Variants in KCND2 observed in about 807,000 individuals in gnomAD.
KCND2 encodes the protein A-type voltage-gated potassium channel KCND2.
In KCND2, 16 loss-of-function variants were observed where a neutral mutation model predicts 54.4. The observed-to-expected ratio is 0.29, with a 90% confidence interval of 0.20 to 0.45. KCND2 has a LOEUF of 0.45. Among genes scored for constraint, KCND2 ranks in the 20% least tolerant of loss-of-function variants. The probability of loss-of-function intolerance (pLI) is 1.00; values close to 1 mark genes in which losing one functional copy is unlikely to be tolerated. For missense variants in KCND2, 486 were observed against 824.2 expected (o/e 0.59, Z 5.02); for synonymous variants, 317 against 310.7 (o/e 1.02, Z -0.21).
At chr7:120,284,925 A>G (rs1401830812) in intron 1 of KCND2, among the ~76,000 whole-genome samples, 1 of 152,140 alleles carries the variant, frequency 6.6e-6, no homozygotes, top group Non-Finnish European at 1.5e-5. Context: ...AAGTTTCCCC[A>G]TGTTATAATT....
At chr7:120,352,369 TATACATACATATATATGA>T (rs1460684108) in intron 1 of KCND2, among the ~76,000 whole-genome samples, 5 of 151,866 alleles carry the variant, frequency 3.3e-5, no homozygotes, top group Admixed American at 1.3e-4. Flanking sequence ...TATGTATGTA[TATACATACATATATATGA>T]ATACATACAT....
chr7:120,482,499 AAATTTCATGTGTTGGAAACTT>A (rs767320814), intron 1 of KCND2, among the ~76,000 whole-genome samples: 78 of 152,334 alleles, frequency 5.1e-4, no homozygotes, highest in Non-Finnish European at 9.6e-4. Flanking sequence ...TATGTCCTCC[AAATTTCATGTGTTGGAAACTT>A]ATTCTCTCAT....
At chr7:120,642,271 CG>C (rs1185322270) in intron 1 of KCND2, among the ~76,000 whole-genome samples, 1 of 151,738 alleles carries the variant, frequency 6.6e-6, no homozygotes, top group Non-Finnish European at 1.5e-5. Flanking sequence ...GTTTTATGGC[CG>C]GGCCCGGTGG....
rs978702955 is a variant in KCND2, at chr7:120,273,323, G to A, written c.-1310G>A. Among the ~76,000 whole-genome samples the A allele has an allele frequency of 5.3e-5, 8 of 150,414 alleles. No individual in the cohort carries two copies. The highest frequency in any genetic ancestry group is 1.2e-4 in the African/African-American group (5 of 41,340). ...GCTAGCAGCCCTCCCGCGCCCCCGC[G>A]CTGCCGAGCGCCTTCTGCCTCCGCG... On this transcript the variant is annotated 5_prime_UTR_variant, in exon 1 of 6. Transcript: ENST00000331113.
rs182347514 is a variant in KCND2 at position 120,484,692 on chromosome 7, A to G, written c.1115+208945A>G. Reference sequence around the variant, plus strand: ...CCTATCTTAAGATTCAGGCTTATATATATTACACGCACACACACACACACA... The same window carrying G: ...CCTATCTTAAGATTCAGGCTTATATGTATTACACGCACACACACACACACA... On this transcript the variant is annotated intron_variant, in intron 1 of 5. Coordinates refer to ENST00000331113, the MANE Select transcript of KCND2 (RefSeq NM_012281.3). Among the ~76,000 whole-genome samples the G allele has an allele frequency of 1.4e-3, 193 of 138,360 alleles. 1 individual carries two copies. Among genetic ancestry groups the G allele is most frequent in the Non-Finnish European group, 1.9e-3 (123 of 65,326 alleles). The allele number at this position is 138,360 out of a possible 152,430, so 90.8% of individuals were successfully genotyped here.
In KCND2 at chr7:120,374,234, T is replaced by C. The variant is rs192728169; in HGVS notation, c.1115+98487T>C. ...TTATTCACATGATTTTCATACTATT[T>C]TTAACTCTTAAAAAATTCTAATGCT... On this transcript the variant is annotated intron_variant, in intron 1 of 5. Transcript: ENST00000331113. 2.2e-4 allele frequency among the ~76,000 whole-genome samples: 33 copies of C among 151,964 alleles called. No homozygotes were observed. The East Asian group carries it at 6.4e-3, about 29-fold the overall frequency.
intron 1 of KCND2, among the ~76,000 whole-genome samples, chr7:120,562,285 T>G (rs1258767890): frequency 6.6e-6 from 1 of 151,834 alleles, no homozygotes; most frequent in Non-Finnish European, 1.5e-5. Context: ...GATAAAGATG[T>G]CAAAAGGAAA....
chr7:120,349,908 T>TA, intron 1 of KCND2, among the ~76,000 whole-genome samples: 1 of 152,294 alleles, frequency 6.6e-6, no homozygotes, highest in African/African-American at 2.4e-5. Flanking sequence ...TTATTCTCTT[T>TA]AGTATCTTTT....
chr7:120,630,441 A>G (rs1562892840), intron 1 of KCND2, among the ~76,000 whole-genome samples: 1 of 152,164 alleles, frequency 6.6e-6, no homozygotes. Flanking sequence ...TGCTTTGGTT[A>G]TGAAATATCC....
chr7:120,420,141 T>C (rs1000724319), intron 1 of KCND2, among the ~76,000 whole-genome samples: 5 of 152,114 alleles, frequency 3.3e-5, no homozygotes, highest in East Asian at 3.8e-4. Context: ...TTGTTATGAG[T>C]ACTACATGTG....
intron 1 of KCND2, among the ~76,000 whole-genome samples, chr7:120,713,102 T>A (rs1233068911): frequency 6.6e-6 from 1 of 152,174 alleles, no homozygotes; most frequent in Non-Finnish European, 1.5e-5. Context: ...ATTGTGAGGT[T>A]ACGAACTTAT....
intron 1 of KCND2, among the ~76,000 whole-genome samples, chr7:120,571,695 C>A (rs73217285): frequency 0.042 from 6,453 of 152,282 alleles, 241 homozygotes; most frequent in Non-Finnish European, 0.062. Flanking sequence ...AATGAAGCAT[C>A]TTCCACAATA....
chr7:120,717,966 TTC>T (rs777056093), intron 1 of KCND2, among the ~76,000 whole-genome samples: 5 of 152,074 alleles, frequency 3.3e-5, no homozygotes, highest in Non-Finnish European at 7.4e-5. Flanking sequence ...GCATAATACC[TTC>T]TCCTTCTCCC....
chr7:120,588,520 T>C (rs1792629547), intron 1 of KCND2, among the ~76,000 whole-genome samples: 1 of 151,668 alleles, frequency 6.6e-6, no homozygotes, highest in Non-Finnish European at 1.5e-5. Flanking sequence ...AATCTTGAAA[T>C]AGAATCTAAT....
At chr7:120,588,485 C>T (rs989703304) in intron 1 of KCND2, among the ~76,000 whole-genome samples, 2 of 150,370 alleles carry the variant, frequency 1.3e-5, no homozygotes, top group Middle Eastern at 6.8e-3. Context: ...GGATCAGAAT[C>T]TGAGATCACC....
At chr7:120,311,041 G>A (rs1159025584) in intron 1 of KCND2, among the ~76,000 whole-genome samples, 1 of 151,744 alleles carries the variant, frequency 6.6e-6, no homozygotes. Flanking sequence ...GTATATGTGT[G>A]TATATATAAT....
intron 1 of KCND2, among the ~76,000 whole-genome samples, chr7:120,393,001 T>C (rs1453345424): frequency 6.6e-6 from 1 of 152,012 alleles, no homozygotes; most frequent in Non-Finnish European, 1.5e-5. Context: ...GTTTCCACTC[T>C]TTTTCTTCAA....
chr7:120,402,064 T>TA (rs781505561), intron 1 of KCND2, among the ~76,000 whole-genome samples: 2 of 152,172 alleles, frequency 1.3e-5, no homozygotes, highest in Non-Finnish European at 2.9e-5. Context: ...AAATGGTGAA[T>TA]TGCTTTAACA....
chr7:120,595,410 C>T (rs559707578), intron 1 of KCND2, among the ~76,000 whole-genome samples: 14 of 148,508 alleles, frequency 9.4e-5, no homozygotes, highest in Non-Finnish European at 2.1e-4. Flanking sequence ...GAGATTGCAC[C>T]ACTGCACTCC....
Sources: gnomAD v4.1 joint callset for allele counts (sites outside exome capture counted in the v4.1 genomes callset) on GRCh38, gnomAD v4.1.1 for gene constraint, MANE v1.5 for transcripts, NCBI Gene and HGNC (gene_info 2026-07-23, HGNC 2026-07-21) for gene names.